Variants in EPHB2 observed in about 807,000 individuals in gnomAD.
EPHB2 encodes ephrin type-B receptor 2.
Under a neutral mutation model 96.4 loss-of-function variants are expected in EPHB2, and 18 were observed. The observed-to-expected ratio is 0.19, with a 90% confidence interval of 0.13 to 0.28. The LOEUF is 0.28. EPHB2 is among the 10% of genes least tolerant of loss of function. EPHB2 has a pLI of 1.00. For missense variants in EPHB2, 989 were observed against 1,355.4 expected (o/e 0.73, Z 4.25); for synonymous variants, 506 against 534.1 (o/e 0.95, Z 0.72).
intron 3 of EPHB2, among the ~76,000 whole-genome samples, chr1:22,792,219 G>A (rs1644704733): frequency 6.6e-6 from 1 of 151,712 alleles, no homozygotes; most frequent in Admixed American, 6.6e-5. Context: ...GGTCAATGGG[G>A]TGGGCTCTGG....
intron 1 of EPHB2, among the ~76,000 whole-genome samples, chr1:22,718,628 T>A (rs1405994376): frequency 6.6e-6 from 1 of 152,098 alleles, no homozygotes; most frequent in Admixed American, 6.5e-5. Flanking sequence ...CCTCAGGCGA[T>A]CCACCTGCCT....
At chr1:22,888,425 C>T (rs1639294388) in intron 6 of EPHB2, among the ~76,000 whole-genome samples, 1 of 152,170 alleles carries the variant, frequency 6.6e-6, no homozygotes, top group Non-Finnish European at 1.5e-5. Context: ...TGCTAAAAAG[C>T]TTTACCTGTA....
intron 3 of EPHB2, among the ~76,000 whole-genome samples, chr1:22,805,517 G>A (rs559265627): frequency 5.3e-5 from 8 of 152,240 alleles, no homozygotes; most frequent in Admixed American, 4.6e-4. Context: ...CTCTGGCACA[G>A]GATGCTCTCA....
intron 3 of EPHB2, among the ~76,000 whole-genome samples, chr1:22,811,023 G>A (rs1644995075): frequency 6.6e-6 from 1 of 152,124 alleles, no homozygotes; most frequent in Non-Finnish European, 1.5e-5. Context: ...CAGAAGAAAG[G>A]GTCCTGTCTC....
At position 22,909,307 on chromosome 1, in the gene EPHB2, C is replaced by A. The variant is rs575010641; in HGVS notation, c.2502+136C>A. 5.2e-5 allele frequency: 71 copies of A among 1,371,020 alleles called. 1 individual carries two copies. In the South Asian group the frequency reaches 8.3e-4, roughly 16 times the overall value. The allele number at this position is 1,371,020 out of a possible 1,614,324, so 84.9% of individuals were successfully genotyped here. A position where few individuals can be genotyped will look rare whatever the true frequency, so the allele number is the denominator to read the frequency against. The stretch of plus-strand genomic sequence containing the variant: ...GAGATCATGGGCCTGGCTCCCAGGG[C>A]AGCTGCCAGCCCAATGGTGGCTGAT... On this transcript the variant is annotated intron_variant, in intron 13 of 15. Transcript: ENST00000374630.
intron 3 of EPHB2, among the ~76,000 whole-genome samples, chr1:22,788,360 C>T (rs1644641147): frequency 6.6e-6 from 1 of 152,228 alleles, no homozygotes; most frequent in Admixed American, 6.5e-5. Flanking sequence ...CCAGCCCAGC[C>T]ATCCACTGAG....
intron 3 of EPHB2, among the ~76,000 whole-genome samples, chr1:22,826,079 G>A (rs1009425814): frequency 6.6e-6 from 1 of 152,190 alleles, no homozygotes; most frequent in Non-Finnish European, 1.5e-5. Flanking sequence ...GGGAGCCACG[G>A]CCAGATTCTG....
intron 6 of EPHB2, among the ~76,000 whole-genome samples, chr1:22,890,723 G>A (rs34811855): frequency 0.42 from 64,421 of 152,034 alleles, 14,585 homozygotes; most frequent in Non-Finnish European, 0.51. Flanking sequence ...ATTGAATCAC[G>A]GGGGTGGTTA....
intron 3 of EPHB2, among the ~76,000 whole-genome samples, chr1:22,812,340 G>A (rs1165091082): frequency 6.6e-6 from 1 of 152,210 alleles, no homozygotes; most frequent in Non-Finnish European, 1.5e-5. Context: ...TTTTCCATGA[G>A]GCTTCCACTC....
intron 1 of EPHB2, among the ~76,000 whole-genome samples, chr1:22,719,313 G>A (rs1021438835): frequency 6.6e-6 from 1 of 152,168 alleles, no homozygotes. Context: ...CCAGCAGCGG[G>A]ACCAAGCTTG....
At position 22,878,088 on chromosome 1, in the gene EPHB2, G is replaced by T. The variant is rs1013382862; in HGVS notation, c.1304-4271G>T. On this transcript the variant is annotated intron_variant, in intron 5 of 15. Transcript: ENST00000374630. ...CAGAACAGCCTCTGCTGAAATCCCA[G>T]AGGGTGATGTGAACAGAGCAGCTCT... 2.6e-5 allele frequency among the ~76,000 whole-genome samples: 4 copies of T among 152,256 alleles called. No homozygotes were observed. The South Asian group carries it at 8.3e-4, about 32-fold the overall frequency.
intron 3 of EPHB2, among the ~76,000 whole-genome samples, chr1:22,834,190 C>T (rs1645346885): frequency 6.6e-6 from 1 of 152,064 alleles, no homozygotes; most frequent in Non-Finnish European, 1.5e-5. Context: ...TAATAAGAGC[C>T]CTGCTCTCAA....
At chr1:22,908,685 G>A (rs1639995213) in intron 12 of EPHB2, among the ~76,000 whole-genome samples, 1 of 152,226 alleles carries the variant, frequency 6.6e-6, no homozygotes, top group Non-Finnish European at 1.5e-5. Flanking sequence ...AAGTAGGCAA[G>A]TCACTTGAGT....
chr1:22,813,434 G>A (rs1229639871), intron 3 of EPHB2, among the ~76,000 whole-genome samples: 1 of 152,182 alleles, frequency 6.6e-6, no homozygotes, highest in Non-Finnish European at 1.5e-5. Context: ...GCTGAGGGTG[G>A]GGAAAAAAGC....
intron 3 of EPHB2, among the ~76,000 whole-genome samples, chr1:22,797,581 C>G (rs1453141436): frequency 6.6e-6 from 1 of 152,142 alleles, no homozygotes; most frequent in Non-Finnish European, 1.5e-5. Context: ...GGGCTGATCT[C>G]TAGCCCAGAC....
chr1:22,812,494 T>C (rs1645017078), intron 3 of EPHB2, among the ~76,000 whole-genome samples: 1 of 151,442 alleles, frequency 6.6e-6, no homozygotes, highest in Admixed American at 6.6e-5. Context: ...ACCCACCCGG[T>C]TGAGTGGGGG....
chr1:22,764,745 A>G (rs1005412913), intron 1 of EPHB2, among the ~76,000 whole-genome samples: 39 of 151,796 alleles, frequency 2.6e-4, no homozygotes, highest in Non-Finnish European at 3.7e-4. Context: ...AAAAAAAAAA[A>G]TCTAAATGAC....
At chr1:22,879,426 A>C (rs1638957553) in intron 5 of EPHB2, among the ~76,000 whole-genome samples, 1 of 152,250 alleles carries the variant, frequency 6.6e-6, no homozygotes, top group Non-Finnish European at 1.5e-5. Context: ...CCTGGACTTC[A>C]TAAAGAAGCT....
intron 1 of EPHB2, among the ~76,000 whole-genome samples, chr1:22,735,006 G>T (rs1643795706): frequency 6.6e-6 from 1 of 152,228 alleles, no homozygotes; most frequent in East Asian, 1.9e-4. Flanking sequence ...CAGGGTAGGA[G>T]ACTGAGGCTC....
Sources: gnomAD v4.1 joint callset for allele counts (sites outside exome capture counted in the v4.1 genomes callset) on GRCh38, gnomAD v4.1.1 for gene constraint, MANE v1.5 for transcripts, NCBI Gene and HGNC (gene_info 2026-07-23, HGNC 2026-07-21) for gene names.